Variants in STK39 observed in about 807,000 individuals in gnomAD.
The protein encoded by STK39 is serine/threonine kinase 39.
In STK39, 20 loss-of-function variants were observed where a neutral mutation model predicts 77.8. That is an observed-to-expected ratio of 0.26 (90% CI 0.18 to 0.37). The LOEUF (loss-of-function observed/expected upper bound fraction) is 0.37. Among genes scored for constraint, STK39 ranks in the 10% least tolerant of loss-of-function variants. The pLI is 1.00. For missense variants in STK39, 479 were observed against 656.5 expected, an observed-to-expected ratio of 0.73 and a Z score of 2.95; for synonymous variants, 246 against 234.1, an observed-to-expected ratio of 1.05 and a Z score of -0.47.
At chr2:168,205,634 T>C (rs961705533) in intron 1 of STK39, among the ~76,000 whole-genome samples, 1 of 151,938 alleles carries the variant, frequency 6.6e-6, no homozygotes, top group African/African-American at 2.4e-5. Context: ...CTGGTCAGTA[T>C]AGCAAGACCT....
At chr2:168,116,095 C>G (rs921407195) in intron 10 of STK39, among the ~76,000 whole-genome samples, 7 of 152,112 alleles carry the variant, frequency 4.6e-5, no homozygotes, top group African/African-American at 1.7e-4. Context: ...AACCTTCAAG[C>G]ATAGATTTTT....
chr2:168,133,217 G>T (rs1687746254), intron 8 of STK39, among the ~76,000 whole-genome samples: 1 of 152,110 alleles, frequency 6.6e-6, no homozygotes, highest in African/African-American at 2.4e-5. Flanking sequence ...AAAATACTTT[G>T]CCTTCTCCAG....
At chr2:167,956,710 TC>T (rs1691787002) in intron 17 of STK39, among the ~76,000 whole-genome samples, 5 of 30,556 alleles carry the variant, frequency 1.6e-4, no homozygotes, top group Non-Finnish European at 3.3e-4. Context: ...TCTCTCTCTC[TC>T]TCTCTCTCTC....
At chr2:168,007,852 G>C (rs866271903) in intron 16 of STK39, among the ~76,000 whole-genome samples, 4 of 152,112 alleles carry the variant, frequency 2.6e-5, no homozygotes, top group African/African-American at 7.2e-5. Flanking sequence ...AGTTTTGATT[G>C]AACTATGAAC....
chr2:168,088,660 A>T (rs1407196977), intron 10 of STK39, among the ~76,000 whole-genome samples: 2 of 152,192 alleles, frequency 1.3e-5, no homozygotes, highest in Admixed American at 6.5e-5. Context: ...CAAGTAGAAA[A>T]GGCTAATAGA....
At position 168,056,472 on chromosome 2, in the gene STK39, T is replaced by A. The variant is rs192281143; in HGVS notation, c.1376+7028A>T. ...AGGGCAGCCACCCACACAGCATTAG[T>A]TAAGGACTGAGGAAGGGCTGGCCTG... is the stretch of plus-strand genomic sequence containing the variant. On this transcript the variant is annotated intron_variant, in intron 14 of 17. Coordinates refer to ENST00000355999, the MANE Select transcript of STK39 (RefSeq NM_013233.3). Among the ~76,000 whole-genome samples the A allele has an allele frequency of 3.3e-5, 5 of 152,214 alleles. No individual in the cohort carries two copies. In the East Asian group the frequency reaches 9.7e-4, roughly 29 times the overall value.
intron 7 of STK39, among the ~76,000 whole-genome samples, chr2:168,139,755 G>A (rs1326565936): frequency 2.6e-5 from 4 of 152,114 alleles, no homozygotes; most frequent in Non-Finnish European, 4.4e-5. Context: ...GAGAAATAAT[G>A]AGGTATAAAC....
At chr2:168,065,236 T>C in intron 13 of STK39, 83 bp downstream of exon 13, 2 of 1,449,458 alleles carry the variant, frequency 1.4e-6, no homozygotes, top group Admixed American at 1.7e-5. Context: ...TACCTTGAAA[T>C]TGTCTATCTT....
chr2:168,209,147 T>G (rs1331159997), intron 1 of STK39, among the ~76,000 whole-genome samples: 3 of 152,104 alleles, frequency 2.0e-5, no homozygotes, highest in Non-Finnish European at 4.4e-5. Flanking sequence ...ACCCCTTTCC[T>G]TTGCACCCCT....
chr2:168,063,218 G>GA (rs1165033707), intron 14 of STK39, among the ~76,000 whole-genome samples: 19 of 150,640 alleles, frequency 1.3e-4, no homozygotes, highest in Admixed American at 2.0e-4. Flanking sequence ...AAAAGGAAAA[G>GA]AAAAAAAAAT....
At chr2:168,019,361 T>C (rs530479368) in intron 14 of STK39, among the ~76,000 whole-genome samples, 10 of 152,344 alleles carry the variant, frequency 6.6e-5, no homozygotes, top group African/African-American at 2.2e-4. Context: ...TTATTAGTTC[T>C]TGTTGTTAAC....
At chr2:168,167,110 A>G (rs1172496372) in intron 3 of STK39, among the ~76,000 whole-genome samples, 189 bp downstream of exon 3, 3 of 152,184 alleles carry the variant, frequency 2.0e-5, no homozygotes, top group African/African-American at 7.2e-5. Flanking sequence ...TCGGAAGTTA[A>G]GCAAAATTAT....
rs1428498386 is a variant in STK39, at chr2:168,214,250, C to CA, written c.209-32161dup. On this transcript the variant is annotated intron_variant, in intron 1 of 17. Transcript: ENST00000355999. Reference sequence around the variant, plus strand: ...TGAAAGATGTCAAAAATAACAACAACAACAACAAAAAAAAAACACAAGGTC... The same window carrying CA: ...TGAAAGATGTCAAAAATAACAACAACAAACAACAAAAAAAAAACACAAGGTC... Among the ~76,000 whole-genome samples, 109 of 9,584 alleles carry CA rather than the reference C, an allele frequency of 0.011. 2 individuals are homozygous for CA. The East Asian group carries it at 0.27, about 23-fold the overall frequency. The allele number at this position is 9,584 out of a possible 152,430, so 6.3% of individuals were successfully genotyped here.
At chr2:168,005,209 T>A (rs1684099910) in intron 16 of STK39, among the ~76,000 whole-genome samples, 1 of 152,024 alleles carries the variant, frequency 6.6e-6, no homozygotes, top group Admixed American at 6.6e-5. Flanking sequence ...TTTCTCCATG[T>A]TGGCCTGGCT....
intron 1 of STK39, among the ~76,000 whole-genome samples, chr2:168,196,617 C>T (rs1394208797): frequency 6.6e-6 from 1 of 152,240 alleles, no homozygotes; most frequent in African/African-American, 2.4e-5. Flanking sequence ...GATCATGCCA[C>T]TGCACTCCAG....
chr2:168,148,794 C>G (rs1278817646), intron 5 of STK39, among the ~76,000 whole-genome samples: 1 of 152,066 alleles, frequency 6.6e-6, no homozygotes. Flanking sequence ...ATCAATAATC[C>G]CTAAAACTAA....
At chr2:168,069,695 T>C (rs1242855315) in intron 12 of STK39, among the ~76,000 whole-genome samples, 3 of 152,260 alleles carry the variant, frequency 2.0e-5, no homozygotes, top group Non-Finnish European at 2.9e-5. Context: ...CAGTCCTTGA[T>C]CCTAGCTGTG....
chr2:167,974,947 T>C (rs771054989), intron 16 of STK39, among the ~76,000 whole-genome samples: 3 of 152,218 alleles, frequency 2.0e-5, no homozygotes, highest in African/African-American at 2.4e-5. Context: ...TCAGCTGATA[T>C]TGAAATTGTT....
intron 5 of STK39, among the ~76,000 whole-genome samples, chr2:168,159,674 A>G (rs1020256833): frequency 2.0e-5 from 3 of 152,176 alleles, no homozygotes; most frequent in African/African-American, 7.2e-5. Flanking sequence ...AGTTCCAGAG[A>G]TGCAGAAGCT....
Sources: allele counts gnomAD v4.1 joint callset (sites outside exome capture counted in the v4.1 genomes callset), GRCh38; gene constraint gnomAD v4.1.1; transcripts MANE v1.5; gene names NCBI Gene and HGNC (gene_info 2026-07-23, HGNC 2026-07-21).